The following SLC2A8 variants were observed in gnomAD, a reference collection of about 807,000 sequenced individuals.
SLC2A8 encodes solute carrier family 2, facilitated glucose transporter member 8.
Under a neutral mutation model 49.2 loss-of-function variants are expected in SLC2A8, and 53 were observed. That is an observed-to-expected ratio of 1.08 (90% CI 0.86 to 1.35). The LOEUF is 1.35. Ranked by LOEUF, SLC2A8 falls within the 40% of genes most tolerant of loss-of-function variation. The probability of loss-of-function intolerance (pLI) is 0.00; values close to 1 mark genes in which losing one functional copy is unlikely to be tolerated. For synonymous variants in SLC2A8, 299 were observed against 297.0 expected (o/e 1.01, Z -0.07); for missense variants, 688 against 671.7 (o/e 1.02, Z -0.27).
At position 127,398,328 on chromosome 9, in the gene SLC2A8, C is replaced by T. The variant is rs1044772884; in HGVS notation, c.426+217C>T. The T allele has an allele frequency of 6.4e-6, 5 of 780,606 alleles. No homozygotes were observed. The African/African-American group carries it at 6.8e-5, about 11-fold the overall frequency. 48.4% of individuals were successfully genotyped at this position (780,606 alleles called of 1,614,324 possible). A position where few individuals can be genotyped will look rare whatever the true frequency, so the allele number is the denominator to read the frequency against. On this transcript the variant is annotated intron_variant, in intron 3 of 9. Transcript: ENST00000373371. ...ACACTGAGGTCATGACATGCAGTCT[C>T]GGAAAGGTGAAGTCCTTTGCCCAGG...
intron 7 of SLC2A8, 90 bp from the exon 8 acceptor site, chr9:127,404,728 G>A (rs1833423137): frequency 1.4e-6 from 2 of 1,425,984 alleles, no homozygotes; most frequent in Non-Finnish European, 1.9e-6. Flanking sequence ...TGGGAGCCGG[G>A]CCTGCCCCTC....
intron 1 of SLC2A8, 41 bp downstream of exon 1, chr9:127,397,327 T>G: frequency 7.3e-7 from 1 of 1,378,406 alleles, no homozygotes; most frequent in Non-Finnish European, 9.3e-7. Context: ...GGCCTCGCCC[T>G]CCCGCCCCTC....
At chr9:127,404,098 C>T (rs751700913) in intron 7 of SLC2A8, 31 bp downstream of exon 7, 1 of 1,525,150 alleles carries the variant, frequency 6.6e-7, no homozygotes, top group Non-Finnish European at 9.0e-7. Context: ...AGCCTCCCCG[C>T]CATGCGGGGG....
chr9:127,403,717 G>C lies in SLC2A8; in HGVS notation c.781G>C (p.Val261Leu). 1 of 1,613,110 alleles carries C rather than the reference G, an allele frequency of 6.2e-7. No homozygotes were observed. The highest frequency in any genetic ancestry group is 8.5e-7 in the Non-Finnish European group (1 of 1,179,960). Residue 261 changes from valine to leucine, a missense_variant, in exon 6 of 10, where the codon GTC (valine) becomes CTC (leucine). Transcript: ENST00000373371. Reference sequence around the variant, plus strand: ...CATCTACAAGCCCTTCATCATCGGCGTCTCCCTGATGGCCTTCCAGCAGCT... The same window carrying C: ...CATCTACAAGCCCTTCATCATCGGCCTCTCCCTGATGGCCTTCCAGCAGCT... The part of the protein sequence containing the change: ...PGIYKPFIIG[V>L]SLMAFQQLSG...
intron 8 of SLC2A8, 64 bp downstream of exon 8, chr9:127,405,055 G>A (rs1018713819): frequency 2.0e-5 from 31 of 1,530,900 alleles, no homozygotes; most frequent in South Asian, 2.4e-5. Flanking sequence ...CTGCTGTGGC[G>A]GCTCCCGGCA....
chr9:127,407,367 C>A lies in SLC2A8; in HGVS notation c.*118C>A. Reference sequence around the variant, plus strand: ...CCCTTGGAGCCTTGGTCTGCAGGGTCCCTCCTTCCTGTCATGCTCCCTCCA... The same window carrying A: ...CCCTTGGAGCCTTGGTCTGCAGGGTACCTCCTTCCTGTCATGCTCCCTCCA... On this transcript the variant is annotated 3_prime_UTR_variant, in exon 10 of 10. Coordinates refer to ENST00000373371, the MANE Select transcript of SLC2A8 (RefSeq NM_014580.5). The A allele has an allele frequency of 2.3e-6, 3 of 1,304,522 alleles. No homozygotes were observed. The highest frequency in any genetic ancestry group is 3.3e-6 in the Non-Finnish European group (3 of 904,616). The allele number at this position is 1,304,522 out of a possible 1,614,324, so 80.8% of individuals were successfully genotyped here. A position where few individuals can be genotyped will look rare whatever the true frequency, so the allele number is the denominator to read the frequency against.
In SLC2A8 at chr9:127,398,042, C is replaced by G. The variant is rs780780578; in HGVS notation, c.357C>G (p.Asp119Glu). ...AGFAVITAAQ[D>E]VWMLLGGRLL... ...TTGCCGTCATCACCGCGGCCCAGGA[C>G]GTGTGGATGCTGCTGGGGGGCCGCC... is the stretch of plus-strand genomic sequence containing the variant. The change falls in exon 3 of 10, where the codon GAC (aspartate) becomes GAG (glutamate). Residue 119 changes from aspartate to glutamate, a missense_variant. Transcript: ENST00000373371. The G allele has an allele frequency of 8.8e-6, 14 of 1,586,670 alleles. No homozygotes were observed. In the East Asian group the frequency reaches 3.0e-4, roughly 34 times the overall value.
intron 5 of SLC2A8, 22 bp from the exon 6 acceptor site, chr9:127,403,638 T>C (rs1833376292): frequency 6.2e-7 from 1 of 1,612,380 alleles, no homozygotes; most frequent in Non-Finnish European, 8.5e-7. Context: ...GAAATCCTGA[T>C]GGCCAGTATC....
intron 7 of SLC2A8, chr9:127,404,492 A>G: frequency 2.9e-6 from 1 of 342,776 alleles, no homozygotes; most frequent in Non-Finnish European, 5.4e-6. Context: ...GGCCTTCAGC[A>G]AGAGCTGCGG....
Position 127,397,407 on chromosome 9 carries a change from G to A in SLC2A8, c.88G>A (p.Ala30Thr). ...APRGRRVFLA[A>T]FAAALGPLSF... ...CCGCGGCCGCCGCGTCTTCCTCGCC[G>A]CCTTCGCCGCTGCCCTGGGCCCACT... Residue 30 changes from alanine to threonine, a missense_variant, in exon 2 of 10, where the codon GCC becomes ACC. Physicochemically the swap from Ala to Thr is moderately conservative, Grantham distance 58 (BLOSUM62 0). Coordinates refer to ENST00000373371, the MANE Select transcript of SLC2A8 (RefSeq NM_014580.5). 6.8e-7 allele frequency: 1 copy of A among 1,474,636 alleles called. No individual in the cohort carries two copies. The highest frequency in any genetic ancestry group is 8.9e-7 in the Non-Finnish European group (1 of 1,121,266). 91.3% of individuals were successfully genotyped at this position (1,474,636 alleles called of 1,614,324 possible).
Position 127,405,677 on chromosome 9 carries a change from C to A in SLC2A8, c.1296+112C>A. The A allele has an allele frequency of 2.2e-6, 3 of 1,391,868 alleles. No individual in the cohort carries two copies. The South Asian group carries it at 4.0e-5, about 19-fold the overall frequency. The allele number at this position is 1,391,868 out of a possible 1,614,324, so 86.2% of individuals were successfully genotyped here. A position where few individuals can be genotyped will look rare whatever the true frequency, so the allele number is the denominator to read the frequency against. Reference sequence around the variant, plus strand: ...TCGTGGCCTTACATGCAGCCTGAGCCCCACCATGCCTGGGCCACTGGCCAT... The same window carrying A: ...TCGTGGCCTTACATGCAGCCTGAGCACCACCATGCCTGGGCCACTGGCCAT... On this transcript the variant is annotated intron_variant, in intron 9 of 9. Transcript: ENST00000373371.
chr9:127,407,252 G>C lies in SLC2A8; in HGVS notation c.*3G>C. On this transcript the variant is annotated 3_prime_UTR_variant, in exon 10 of 10. Coordinates refer to ENST00000373371, the MANE Select transcript of SLC2A8 (RefSeq NM_014580.5). Reference sequence around the variant, plus strand: ...CAGCCCATTTTGAGGGGCGATGACAGCCACTCACTAGGGGATGGAGCAAGC... The same window carrying C: ...CAGCCCATTTTGAGGGGCGATGACACCCACTCACTAGGGGATGGAGCAAGC... 1 of 1,612,950 alleles carries C rather than the reference G, an allele frequency of 6.2e-7. No individual in the cohort carries two copies. Among genetic ancestry groups the C allele is most frequent in the South Asian group, 1.1e-5 (1 of 91,080 alleles).
chr9:127,402,787 G>A (rs1170525916), intron 5 of SLC2A8, 34 bp downstream of exon 5: 3 of 1,499,380 alleles, frequency 2.0e-6, no homozygotes, highest in Admixed American at 4.5e-5. Flanking sequence ...GACAGGAGTG[G>A]GACAGCAGTC....
intron 7 of SLC2A8, chr9:127,404,577 G>A (rs909601907): frequency 3.8e-6 from 2 of 527,218 alleles, no homozygotes; most frequent in Non-Finnish European, 6.7e-6. Context: ...TGCTGCTTCT[G>A]TGCCGGTACC....
In SLC2A8 at chr9:127,397,390, G is replaced by T; in HGVS notation, c.71G>T (p.Arg24Leu). The part of the protein sequence containing the change: ...GPPGGSAPRG[R>L]RVFLAAFAAA... Reference sequence around the variant, plus strand: ...TGTCCCCCCAGCGCGCCCCGCGGCCGCCGCGTCTTCCTCGCCGCCTTCGCC... The same window carrying T: ...TGTCCCCCCAGCGCGCCCCGCGGCCTCCGCGTCTTCCTCGCCGCCTTCGCC... Residue 24 changes from arginine (R) to leucine (L), a missense_variant, in exon 2 of 10, where the codon CGC becomes CTC. Arg to Leu is a moderately radical substitution (Grantham distance 102, BLOSUM62 -2). Transcript: ENST00000373371. The T allele has an allele frequency of 6.8e-7, 1 of 1,469,082 alleles. No individual in the cohort carries two copies. Among genetic ancestry groups the T allele is most frequent in the East Asian group, 3.0e-5 (1 of 33,346 alleles). The allele number at this position is 1,469,082 out of a possible 1,614,324, so 91.0% of individuals were successfully genotyped here. A position where few individuals can be genotyped will look rare whatever the true frequency, so the allele number is the denominator to read the frequency against.
intron 4 of SLC2A8, among the ~76,000 whole-genome samples, chr9:127,400,678 C>CCAGATT (rs1292720759): frequency 2.0e-5 from 3 of 152,128 alleles, no homozygotes; most frequent in African/African-American, 7.2e-5. Flanking sequence ...AATGTCAGTG[C>CCAGATT]CAGATTCACC....
In SLC2A8 at chr9:127,403,819, C is replaced by T. The variant is rs1203156327; in HGVS notation, c.867+16C>T. On this transcript the variant is annotated intron_variant, in intron 6 of 9. Transcript: ENST00000373371. Reference sequence around the variant, plus strand: ...CAAGTTCAAGGTAAAAGGGCCCTGCCTGGCCTGCCTCGTCCAGCCCCCACA... The same window carrying T: ...CAAGTTCAAGGTAAAAGGGCCCTGCTTGGCCTGCCTCGTCCAGCCCCCACA... The T allele has an allele frequency of 6.2e-7, 1 of 1,610,164 alleles. No homozygotes were observed. Among genetic ancestry groups the T allele is most frequent in the Non-Finnish European group, 8.5e-7 (1 of 1,178,014 alleles).
intron 4 of SLC2A8, chr9:127,402,339 C>T (rs911619711): frequency 3.4e-6 from 2 of 583,886 alleles, no homozygotes; most frequent in Non-Finnish European, 5.6e-6. Flanking sequence ...GTAATGTCCG[C>T]GTTGTCATAC....
chr9:127,403,843 C>T (rs749271887), intron 6 of SLC2A8, 40 bp downstream of exon 6: 3 of 1,605,736 alleles, frequency 1.9e-6, no homozygotes, highest in African/African-American at 1.3e-5. Flanking sequence ...CCAGCCCCCA[C>T]ATAGATGGAG....
Sources: allele counts gnomAD v4.1 joint callset (sites outside exome capture counted in the v4.1 genomes callset), GRCh38; gene constraint gnomAD v4.1.1; transcripts MANE v1.5; gene names NCBI Gene and HGNC (gene_info 2026-07-23, HGNC 2026-07-21).